The following RARB variants were observed in gnomAD, a reference collection of about 807,000 sequenced individuals.
The protein encoded by RARB is HBV-activated protein.
Under a neutral mutation model 51.9 loss-of-function variants are expected in RARB, and 17 were observed. The ratio of observed to expected loss-of-function variants is 0.33; its 90% CI spans 0.22 to 0.49. The LOEUF is 0.49. Ranked by LOEUF, RARB falls within the 20% of genes least tolerant of loss-of-function variation. The pLI, the probability that RARB is intolerant of heterozygous loss-of-function variation, is 0.99. For synonymous variants in RARB, 215 were observed against 195.4 expected (o/e 1.10, Z -0.84); for missense variants, 369 against 550.8 (o/e 0.67, Z 3.30).
intron 2 of RARB, among the ~76,000 whole-genome samples, chr3:24,862,285 A>G (rs116582860): frequency 0.027 from 4,126 of 152,296 alleles, 86 homozygotes; most frequent in Middle Eastern, 0.054. Flanking sequence ...ATTAAAGGCT[A>G]TAGTGATTAA....
intron 1 of RARB, among the ~76,000 whole-genome samples, chr3:24,851,944 G>T (rs931539141): frequency 1.3e-5 from 2 of 152,136 alleles, no homozygotes; most frequent in African/African-American, 4.8e-5. Context: ...AAATATCTTG[G>T]CCATGAGTAG....
intron 2 of RARB, among the ~76,000 whole-genome samples, chr3:25,012,024 T>A (rs1270765690): frequency 6.6e-6 from 1 of 152,040 alleles, no homozygotes; most frequent in Non-Finnish European, 1.5e-5. Flanking sequence ...AATCCCACAA[T>A]GAGGAATAGA....
chr3:25,380,908 G>A (rs911595441), intron 5 of RARB, among the ~76,000 whole-genome samples: 5 of 152,016 alleles, frequency 3.3e-5, no homozygotes, highest in African/African-American at 1.2e-4. Context: ...TGCATGTTTA[G>A]TTTTTATATT....
intron 1 of RARB, among the ~76,000 whole-genome samples, chr3:25,447,400 G>T (rs879687340): frequency 6.6e-6 from 1 of 152,104 alleles, no homozygotes; most frequent in Non-Finnish European, 1.5e-5. Context: ...TTTGCCTTGT[G>T]GCATTTTTCA....
intron 2 of RARB, among the ~76,000 whole-genome samples, chr3:24,925,834 T>G (rs1252037035): frequency 6.6e-6 from 1 of 152,040 alleles, no homozygotes; most frequent in Non-Finnish European, 1.5e-5. Flanking sequence ...TTCAAGTTAT[T>G]CTATAATCTC....
intron 4 of RARB, among the ~76,000 whole-genome samples, chr3:25,161,943 G>A (rs1247280453): frequency 1.3e-5 from 2 of 152,114 alleles, no homozygotes; most frequent in Admixed American, 1.3e-4. Flanking sequence ...GCTAGACCCT[G>A]TGCCCAGGGT....
At chr3:25,351,409 G>A (rs73156042) in intron 5 of RARB, among the ~76,000 whole-genome samples, 5,420 of 151,772 alleles carry the variant, frequency 0.036, 352 homozygotes, top group African/African-American at 0.12. Context: ...ATTGTTTATC[G>A]ATCACAGAAA....
chr3:25,325,235 G>A (rs1704679420), intron 5 of RARB, among the ~76,000 whole-genome samples: 1 of 152,146 alleles, frequency 6.6e-6, no homozygotes, highest in African/African-American at 2.4e-5. Flanking sequence ...CAGGGTGCTG[G>A]TGGGAGTGTC....
chr3:25,366,569 ACT>A (rs1706125600), intron 5 of RARB, among the ~76,000 whole-genome samples: 1 of 152,186 alleles, frequency 6.6e-6, no homozygotes, highest in Admixed American at 6.5e-5. Context: ...GAGTTGGAAA[ACT>A]CAACATAAAG....
intron 4 of RARB, among the ~76,000 whole-genome samples, chr3:25,149,765 TGAA>T (rs1464914289): frequency 1.1e-4 from 17 of 152,362 alleles, no homozygotes; most frequent in South Asian, 2.1e-4. Flanking sequence ...CTTTGTTAAA[TGAA>T]GAAGGTCTCC....
intron 5 of RARB, among the ~76,000 whole-genome samples, chr3:25,365,566 A>T (rs1414891015): frequency 1.3e-5 from 2 of 152,140 alleles, no homozygotes; most frequent in African/African-American, 4.8e-5. Context: ...GCAGGGCACA[A>T]CAGAAATGGC....
chr3:24,905,351 C>T (rs1018127977), intron 2 of RARB, among the ~76,000 whole-genome samples: 1 of 152,110 alleles, frequency 6.6e-6, no homozygotes, highest in Non-Finnish European at 1.5e-5. Flanking sequence ...TGTCTTAAGG[C>T]CAAATGCACC....
At chr3:24,878,755 C>T (rs960399511) in intron 2 of RARB, among the ~76,000 whole-genome samples, 1 of 152,084 alleles carries the variant, frequency 6.6e-6, no homozygotes, top group Non-Finnish European at 1.5e-5. Flanking sequence ...CCACTCCTGT[C>T]GGGTGATCTG....
intron 2 of RARB, among the ~76,000 whole-genome samples, chr3:24,985,809 G>A (rs962010333): frequency 2.6e-5 from 4 of 152,194 alleles, no homozygotes; most frequent in East Asian, 1.9e-4. Context: ...ATGTCACTGC[G>A]CTGAGGCCTG....
At chr3:25,462,560 T>C (rs1348747173) in intron 2 of RARB, 2 of 152,240 alleles carry the variant, frequency 1.3e-5, no homozygotes, top group Non-Finnish European at 1.5e-5. Context: ...AGTTAGCACT[T>C]AACTGTATAT....
At chr3:25,199,581 T>G (rs1701338745) in intron 5 of RARB, among the ~76,000 whole-genome samples, 1 of 152,130 alleles carries the variant, frequency 6.6e-6, no homozygotes, top group Non-Finnish European at 1.5e-5. Flanking sequence ...TAGGTATATT[T>G]CCTAATGCTA....
chr3:25,562,572 T>A (rs576306008), intron 3 of RARB, among the ~76,000 whole-genome samples: 1 of 152,352 alleles, frequency 6.6e-6, no homozygotes, highest in South Asian at 2.1e-4. Flanking sequence ...GTTCATGTCA[T>A]CCCTCAACTA....
intron 3 of RARB, among the ~76,000 whole-genome samples, chr3:25,111,498 A>T (rs1699599535): frequency 6.6e-6 from 1 of 151,932 alleles, no homozygotes; most frequent in African/African-American, 2.4e-5. Flanking sequence ...CCTTCACAAG[A>T]GATGGTCCAA....
At chr3:25,246,289 T>G (rs1452187594) in intron 5 of RARB, among the ~76,000 whole-genome samples, 1 of 152,124 alleles carries the variant, frequency 6.6e-6, no homozygotes, top group Non-Finnish European at 1.5e-5. Context: ...CGGAGGAGTT[T>G]GTTATTACCC....
Sources: allele counts gnomAD v4.1 joint callset (sites outside exome capture counted in the v4.1 genomes callset), GRCh38; gene constraint gnomAD v4.1.1; transcripts MANE v1.5; gene names NCBI Gene and HGNC (gene_info 2026-07-23, HGNC 2026-07-21).